SGCZ: variants seen among roughly 807,000 people sequenced by gnomAD.
SGCZ encodes the protein zeta-sarcoglycan.
Under a neutral mutation model 41.3 loss-of-function variants are expected in SGCZ, and 40 were observed. The observed-to-expected ratio is 0.97, with a 90% CI of 0.75 to 1.26. The LOEUF is 1.26. SGCZ is among the 50% of genes most tolerant of loss of function. The pLI, the probability that SGCZ is intolerant of heterozygous loss-of-function variation, is 0.00. For synonymous variants in SGCZ, 206 were observed against 137.5 expected (o/e 1.50, Z -3.49); for missense variants, 552 against 369.8 (o/e 1.49, Z -4.04).
chr8:14,974,075 T>A (rs1801384993), intron 1 of SGCZ, among the ~76,000 whole-genome samples: 1 of 152,184 alleles, frequency 6.6e-6, no homozygotes, highest in East Asian at 1.9e-4. Context: ...CATTATCGAA[T>A]GCTTGAGCAA....
At chr8:14,495,178 C>G (rs1801954685) in intron 2 of SGCZ, among the ~76,000 whole-genome samples, 2 of 152,076 alleles carry the variant, frequency 1.3e-5, no homozygotes, top group African/African-American at 2.4e-5. Flanking sequence ...ATAAGAGTTC[C>G]TGCTTTATGG....
intron 5 of SGCZ, among the ~76,000 whole-genome samples, chr8:14,151,027 G>C (rs1024590728): frequency 1.3e-5 from 2 of 152,142 alleles, no homozygotes; most frequent in African/African-American, 4.8e-5. Context: ...CGCTGGGAAT[G>C]GTAGTGGGGA....
At chr8:14,947,823 A>G (rs1053767909) in intron 1 of SGCZ, among the ~76,000 whole-genome samples, 1 of 152,210 alleles carries the variant, frequency 6.6e-6, no homozygotes, top group Non-Finnish European at 1.5e-5. Flanking sequence ...TAATGTTTTA[A>G]TAAGCCATTT....
At chr8:14,989,399 T>C (rs551705844) in intron 1 of SGCZ, among the ~76,000 whole-genome samples, 173 of 152,130 alleles carry the variant, frequency 1.1e-3, no homozygotes, top group Middle Eastern at 6.8e-3. Context: ...GGTGGGAGGA[T>C]TGCTTGAGCC....
intron 1 of SGCZ, among the ~76,000 whole-genome samples, chr8:15,160,354 A>G (rs938408178): frequency 6.6e-6 from 1 of 152,212 alleles, no homozygotes; most frequent in Non-Finnish European, 1.5e-5. Flanking sequence ...ATTCCATTTT[A>G]CATATCTACT....
intron 2 of SGCZ, among the ~76,000 whole-genome samples, chr8:14,360,378 G>C (rs1016965003): frequency 6.6e-6 from 1 of 151,274 alleles, no homozygotes; most frequent in African/African-American, 2.4e-5. Context: ...CTATCACCCA[G>C]ACTGGAGCAT....
At chr8:14,328,287 C>A (rs1468096864) in intron 2 of SGCZ, among the ~76,000 whole-genome samples, 7 of 152,092 alleles carry the variant, frequency 4.6e-5, no homozygotes, top group Non-Finnish European at 7.4e-5. Flanking sequence ...TTCCTGATCC[C>A]TTCATTATCT....
intron 2 of SGCZ, among the ~76,000 whole-genome samples, chr8:14,505,391 C>G (rs1175709274): frequency 6.6e-6 from 1 of 152,088 alleles, no homozygotes; most frequent in Admixed American, 6.6e-5. Context: ...AGGCTCTGAA[C>G]TTCTCTGAAG....
intron 1 of SGCZ, among the ~76,000 whole-genome samples, chr8:15,209,641 A>C (rs1049495089): frequency 6.6e-5 from 10 of 152,284 alleles, no homozygotes; most frequent in Admixed American, 4.6e-4. Context: ...TTGAAGTTTA[A>C]AAGATCTAAT....
At chr8:14,602,818 A>T (rs1431828772) in intron 1 of SGCZ, among the ~76,000 whole-genome samples, 1 of 152,176 alleles carries the variant, frequency 6.6e-6, no homozygotes, top group Admixed American at 6.5e-5. Context: ...GGCATCTTCT[A>T]ATCACCACCT....
intron 1 of SGCZ, among the ~76,000 whole-genome samples, chr8:15,178,975 C>A (rs1258895882): frequency 2.0e-5 from 3 of 152,126 alleles, no homozygotes; most frequent in Non-Finnish European, 4.4e-5. Context: ...TAGATATTGT[C>A]TTGGCATTTG....
chr8:14,704,432 A>G (rs1809263982), intron 1 of SGCZ, among the ~76,000 whole-genome samples: 1 of 152,028 alleles, frequency 6.6e-6, no homozygotes, highest in Non-Finnish European at 1.5e-5. Flanking sequence ...AAATTTTGAT[A>G]AGTTTTTCAA....
intron 1 of SGCZ, among the ~76,000 whole-genome samples, chr8:14,978,323 G>C (rs1209300529): frequency 1.4e-5 from 2 of 139,400 alleles, no homozygotes; most frequent in Admixed American, 7.0e-5. Flanking sequence ...CAAAAAATTA[G>C]TTGGGCGTGG....
chr8:14,493,831 T>C (rs546191913), intron 2 of SGCZ, among the ~76,000 whole-genome samples: 1 of 152,250 alleles, frequency 6.6e-6, no homozygotes, highest in South Asian at 2.1e-4. Context: ...ATTATTTTAG[T>C]TATAATACTG....
rs75912476 is a variant in SGCZ, at chr8:14,832,346, C to T, written c.40-277420G>A. 9.2e-5 allele frequency among the ~76,000 whole-genome samples: 14 copies of T among 152,088 alleles called. No homozygotes were observed. In the East Asian group the frequency reaches 9.7e-4, roughly 11 times the overall value. On this transcript the variant is annotated intron_variant, in intron 1 of 7. Transcript: ENST00000382080. ...TTAATATTCTATGCTAAAAATTCAG[C>T]CTAAAAGATTGCTCAAGAACATCCC...
At chr8:14,199,412 A>T (rs574673411) in intron 4 of SGCZ, among the ~76,000 whole-genome samples, 1 of 152,248 alleles carries the variant, frequency 6.6e-6, no homozygotes, top group Non-Finnish European at 1.5e-5. Flanking sequence ...CCGAAACTTC[A>T]TTAGTAATTT....
intron 5 of SGCZ, among the ~76,000 whole-genome samples, chr8:14,125,461 G>A (rs990944775): frequency 1.9e-4 from 29 of 149,106 alleles, no homozygotes; most frequent in Admixed American, 1.9e-3. Flanking sequence ...CCGAGATCAC[G>A]CCACTGCACT....
chr8:14,952,033 T>C (rs1800657262), intron 1 of SGCZ, among the ~76,000 whole-genome samples: 1 of 152,134 alleles, frequency 6.6e-6, no homozygotes, highest in Admixed American at 6.6e-5. Flanking sequence ...TCACCTGGTG[T>C]TCACTCTGCA....
At chr8:14,107,227 T>A (rs1203513508) in intron 6 of SGCZ, among the ~76,000 whole-genome samples, 16 of 131,324 alleles carry the variant, frequency 1.2e-4, no homozygotes. Flanking sequence ...AAAATAAAAA[T>A]AAAAAAATAA....
Sources: gnomAD v4.1 joint callset for allele counts (sites outside exome capture counted in the v4.1 genomes callset) on GRCh38, gnomAD v4.1.1 for gene constraint, MANE v1.5 for transcripts, NCBI Gene and HGNC (gene_info 2026-07-23, HGNC 2026-07-21) for gene names.